SPTAN1: variants seen among roughly 807,000 people sequenced by gnomAD.
SPTAN1 encodes spectrin alpha chain, non-erythrocytic 1.
SPTAN1 carries 61 observed loss-of-function variants against 331.3 expected under a neutral mutation model. The observed-to-expected ratio is 0.18, with a 90% CI of 0.15 to 0.23. SPTAN1 has a LOEUF of 0.23. Ranked by LOEUF, SPTAN1 falls within the 10% of genes least tolerant of loss-of-function variation. SPTAN1 has a pLI of 1.00. For synonymous variants in SPTAN1, 1,153 were observed against 1,173.9 expected (o/e 0.98, Z 0.36); for missense variants, 2,043 against 3,147.9 (o/e 0.65, Z 8.40).
chr9:128,632,719 GTAAAT>G lies in SPTAN1; in HGVS notation c.7160+5_7160+9del, dbSNP rs747442396. 1.1e-5 allele frequency: 17 copies of G among 1,613,882 alleles called. No individual in the cohort carries two copies. In the Admixed American group the frequency reaches 2.5e-4, roughly 24 times the overall value. ...TCCTGGACACGGTGGATCCGAACAG[GTAAAT>G]TAATTAAGGCCAGGTGCTGTGAGCC... is the stretch of plus-strand genomic sequence containing the variant. On this transcript the variant is annotated splice_donor_variant and splice_donor_5th_base_variant and intron_variant, in intron 55 of 56. Transcript: ENST00000372739. LOFTEE classifies it high-confidence loss of function.
intron 3 of SPTAN1, among the ~76,000 whole-genome samples, chr9:128,570,771 C>G (rs1850622731): frequency 6.6e-6 from 1 of 152,120 alleles, no homozygotes. Context: ...ATTCTCCTGC[C>G]TCAGCCTCCC....
rs1452926023 is a variant in SPTAN1 at position 128,624,200 on chromosome 9, T to C, written c.5833-128T>C. The C allele has an allele frequency of 1.0e-5, 11 of 1,048,872 alleles. No individual in the cohort carries two copies. The Admixed American group carries it at 1.6e-4, about 15-fold the overall frequency. 65.0% of individuals were successfully genotyped at this position (1,048,872 alleles called of 1,614,324 possible). A position where few individuals can be genotyped will look rare whatever the true frequency, so the allele number is the denominator to read the frequency against. On this transcript the variant is annotated intron_variant, in intron 45 of 56. Coordinates refer to ENST00000372739, the MANE Select transcript of SPTAN1 (RefSeq NM_001130438.3). The stretch of plus-strand genomic sequence containing the variant: ...TTACAAAAGCCTTACCCTATCATTG[T>C]TTACCCAGCAGTGGACAGGGGAGCA...
At chr9:128,599,685 T>TAAAAA (rs5900811) in intron 26 of SPTAN1, 6 of 124,286 alleles carry the variant, frequency 4.8e-5, no homozygotes, top group Admixed American at 2.7e-4. Flanking sequence ...AGCACAGCTC[T>TAAAAA]AAAAAAAAAA....
At chr9:128,623,297 A>G (rs1285684082) in intron 45 of SPTAN1, among the ~76,000 whole-genome samples, 6 of 147,912 alleles carry the variant, frequency 4.1e-5, no homozygotes, top group Admixed American at 2.7e-4. Context: ...CTGGTCTCCA[A>G]CTCCTGGGCT....
chr9:128,598,547 A>T, intron 25 of SPTAN1, 43 bp downstream of exon 25: 1 of 1,444,256 alleles, frequency 6.9e-7, no homozygotes, highest in Non-Finnish European at 9.6e-7. Context: ...TGCTGTAAGG[A>T]TGCAGCTTTG....
intron 38 of SPTAN1, 21 bp from the exon 39 acceptor site, chr9:128,612,088 T>C: frequency 6.2e-7 from 1 of 1,614,142 alleles, no homozygotes; most frequent in Middle Eastern, 1.7e-4. Flanking sequence ...CATCTCTTTT[T>C]GGCTCCCTTC....
chr9:128,598,701 A>AG, intron 25 of SPTAN1, 197 bp downstream of exon 25: 1 of 670,846 alleles, frequency 1.5e-6, no homozygotes, highest in Non-Finnish European at 2.7e-6. Context: ...CTTGGTTTGG[A>AG]GGGGGGTGGG....
intron 1 of SPTAN1, among the ~76,000 whole-genome samples, chr9:128,556,803 G>C (rs1460052102): frequency 6.6e-6 from 1 of 152,104 alleles, no homozygotes; most frequent in East Asian, 1.9e-4. Context: ...ATGTATTATT[G>C]ACCTCTCTGC....
Position 128,576,930 on chromosome 9 carries a change from G to C in SPTAN1, c.759G>C (p.Gly253=). The C allele has an allele frequency of 6.2e-7, 1 of 1,614,164 alleles. No individual in the cohort carries two copies. The highest frequency in any genetic ancestry group is 1.3e-5 in the African/African-American group (1 of 75,054). ...TGCAGAGGCAGGGGAAGCTCTTTGG[G>C]GCAGCAGAAGTTCAGCGCTTTAACA... ...LALQRQGKLF[G]AAEVQRFNRD... Residue 253 remains glycine, a synonymous_variant, in exon 6 of 57, where the codon GGG becomes GGC. Transcript: ENST00000372739.
intron 1 of SPTAN1, chr9:128,555,494 AGAAAG>A (rs1848530384): frequency 9.8e-7 from 1 of 1,023,578 alleles, no homozygotes; most frequent in African/African-American, 1.7e-5. Context: ...AATGATCCAA[AGAAAG>A]GGGGAAAAAA....
At chr9:128,568,439 G>C (rs1564196567) in intron 2 of SPTAN1, among the ~76,000 whole-genome samples, 1 of 152,148 alleles carries the variant, frequency 6.6e-6, no homozygotes, top group Non-Finnish European at 1.5e-5. Flanking sequence ...TTCTAGAAGG[G>C]ACTGGATGTT....
chr9:128,576,679 C>A, intron 5 of SPTAN1, 144 bp from the exon 6 acceptor site: 1 of 1,120,954 alleles, frequency 8.9e-7, no homozygotes, highest in Non-Finnish European at 1.3e-6. Flanking sequence ...TTGTAGTTCA[C>A]TTTGTATCAT....
rs374838123 is a variant in SPTAN1 at position 128,582,872 on chromosome 9, A to G, written c.1806+23A>G. Reference sequence around the variant, plus strand: ...AAAGTAATGTACTGTTAGTGTTGCCATGTAGCACTCGATTAGTAAGCTAAA... The same window carrying G: ...AAAGTAATGTACTGTTAGTGTTGCCGTGTAGCACTCGATTAGTAAGCTAAA... On this transcript the variant is annotated intron_variant, in intron 14 of 56. Transcript: ENST00000372739. 153 of 1,611,004 alleles carry G rather than the reference A, an allele frequency of 9.5e-5. No homozygotes were observed. The African/African-American group carries it at 1.7e-3, about 17-fold the overall frequency.
chr9:128,620,197 G>T (rs1857667618), intron 44 of SPTAN1, among the ~76,000 whole-genome samples: 1 of 152,180 alleles, frequency 6.6e-6, no homozygotes, highest in Non-Finnish European at 1.5e-5. Flanking sequence ...AAAGTATCAT[G>T]GTCAGATATG....
At chr9:128,617,306 A>T (rs1857294247) in intron 41 of SPTAN1, among the ~76,000 whole-genome samples, 1 of 151,994 alleles carries the variant, frequency 6.6e-6, no homozygotes, top group Admixed American at 6.6e-5. Context: ...ACATATATTG[A>T]TATATTAATA....
chr9:128,579,748 G>A lies in SPTAN1; in HGVS notation c.1323+10G>A. On this transcript the variant is annotated intron_variant, in intron 10 of 56. Transcript: ENST00000372739. ...TGAAGTGAGGGAGAAGGTAAGAGAA[G>A]AGAAATGGAGCTTTTGAGGAGCAAA... 1 of 1,610,636 alleles carries A rather than the reference G, an allele frequency of 6.2e-7. No individual in the cohort carries two copies. Among genetic ancestry groups the A allele is most frequent in the Non-Finnish European group, 8.5e-7 (1 of 1,177,044 alleles).
In SPTAN1 at chr9:128,633,536, T is replaced by C; in HGVS notation, c.*202T>C. 9.1e-7 allele frequency: 1 copy of C among 1,095,674 alleles called. No individual in the cohort carries two copies. Among genetic ancestry groups the C allele is most frequent in the South Asian group, 1.4e-5 (1 of 71,256 alleles). The allele number at this position is 1,095,674 out of a possible 1,614,324, so 67.9% of individuals were successfully genotyped here. On this transcript the variant is annotated 3_prime_UTR_variant, in exon 57 of 57. Coordinates refer to ENST00000372739, the MANE Select transcript of SPTAN1 (RefSeq NM_001130438.3). ...CACTGTGGGGACCCAGATCTGTGTC[T>C]TGAAGCAGCTGCCCTCATTCCGACT...
chr9:128,580,457 T>C (rs1851810094), intron 10 of SPTAN1, among the ~76,000 whole-genome samples: 1 of 152,030 alleles, frequency 6.6e-6, no homozygotes, highest in Admixed American at 6.6e-5. Context: ...TGTTTTTTAG[T>C]ATTACATAGA....
At chr9:128,592,277 CTTTT>C (rs66475636) in intron 22 of SPTAN1, among the ~76,000 whole-genome samples, 5 of 138,916 alleles carry the variant, frequency 3.6e-5, no homozygotes, top group African/African-American at 2.6e-5. Context: ...GGTTTGTGTT[CTTTT>C]TTTTTTTTTT....
Sources: gnomAD v4.1 joint callset for allele counts (sites outside exome capture counted in the v4.1 genomes callset) on GRCh38, gnomAD v4.1.1 for gene constraint, MANE v1.5 for transcripts, NCBI Gene and HGNC (gene_info 2026-07-23, HGNC 2026-07-21) for gene names.